ZNF644: variants seen among roughly 807,000 people sequenced by gnomAD.
The protein encoded by ZNF644 is zinc finger protein 644.
In ZNF644, 20 loss-of-function variants were observed where a neutral mutation model predicts 108.0. That is an observed-to-expected ratio of 0.19 (90% CI 0.13 to 0.27). The LOEUF is 0.27. Ranked by LOEUF, ZNF644 falls within the 10% of genes least tolerant of loss-of-function variation. The pLI is 1.00. For missense variants in ZNF644, 1,338 were observed against 1,548.9 expected, an observed-to-expected ratio of 0.86 and a Z score of 2.29; for synonymous variants, 542 against 539.1, an observed-to-expected ratio of 1.01 and a Z score of -0.08.
At chr1:91,008,385 A>C (rs1381454927) in intron 1 of ZNF644, among the ~76,000 whole-genome samples, 1 of 152,182 alleles carries the variant, frequency 6.6e-6, no homozygotes, top group Non-Finnish European at 1.5e-5. Flanking sequence ...GACTAATTCT[A>C]GGCCTTCTCC....
At chr1:90,975,854 C>T (rs974789282) in intron 2 of ZNF644, among the ~76,000 whole-genome samples, 1 of 152,122 alleles carries the variant, frequency 6.6e-6, no homozygotes. Context: ...GCCAGTCATT[C>T]ATTATTTCTG....
Position 90,915,917 on chromosome 1 carries a change from C to T in ZNF644, c.*881G>A, listed in dbSNP as rs1024257513. The T allele has an allele frequency of 6.6e-6, 1 of 152,392 alleles. No individual in the cohort carries two copies. Among genetic ancestry groups the T allele is most frequent in the South Asian group, 2.1e-4 (1 of 4,830 alleles). The allele number at this position is 152,392 out of a possible 1,614,324, so 9.4% of individuals were successfully genotyped here. ...CTACAATGTTAAATAAAGTAAGAGG[C>T]AAACCTGTCCTGTAAGCATGTCAAA... On this transcript the variant is annotated 3_prime_UTR_variant, in exon 6 of 6. Coordinates refer to ENST00000337393, the MANE Select transcript of ZNF644 (RefSeq NM_201269.3).
Position 91,000,668 on chromosome 1 carries a change from A to G in ZNF644, c.-17-18298T>C, listed in dbSNP as rs187252615. Among the ~76,000 whole-genome samples the G allele has an allele frequency of 2.3e-4, 35 of 152,346 alleles. 1 individual carries two copies. Among genetic ancestry groups the G allele is most frequent in the African/African-American group, 6.3e-4 (26 of 41,582 alleles). ...CACATTCAAAAGCTAGCAGAAAGCAAGAAATAACTAAGATCAGAGCAGAAC... is the reference window on the plus strand; with the variant it reads ...CACATTCAAAAGCTAGCAGAAAGCAGGAAATAACTAAGATCAGAGCAGAAC... On this transcript the variant is annotated intron_variant, in intron 1 of 5. Coordinates refer to ENST00000337393, the MANE Select transcript of ZNF644 (RefSeq NM_201269.3).
At position 90,939,540 on chromosome 1, in the gene ZNF644, G is replaced by C. The variant is rs752763891; in HGVS notation, c.1814C>G (p.Thr605Arg). The change falls in exon 3 of 6, where the codon ACG becomes AGG. Residue 605 changes from threonine to arginine, a missense_variant. By Grantham distance (71) the Thr-to-Arg change is moderately conservative. This residue lies in a region of ZNF644 where 462 missense variants were observed against 472.6 expected (regional missense o/e 0.98). Coordinates refer to ENST00000337393, the MANE Select transcript of ZNF644 (RefSeq NM_201269.3). ...TSAKSVLKKH[T>R]EYLHSSSCVD... is the part of the protein sequence containing the mutation. ...ACATGATGATGAATGCAAGTACTCC[G>C]TGTGCTTTTTTAAAACACTTTTGGC... The C allele has an allele frequency of 3.7e-6, 6 of 1,613,920 alleles. No homozygotes were observed. The highest frequency in any genetic ancestry group is 2.2e-5 in the East Asian group (1 of 44,870).
intron 2 of ZNF644, among the ~76,000 whole-genome samples, chr1:90,968,877 T>C (rs1655189755): frequency 6.6e-6 from 1 of 152,202 alleles, no homozygotes. Flanking sequence ...TTATCCTATT[T>C]ACTTGCCACA....
chr1:91,019,363 C>T (rs951165568), intron 1 of ZNF644, among the ~76,000 whole-genome samples: 50 of 152,314 alleles, frequency 3.3e-4, no homozygotes, highest in African/African-American at 1.2e-3. Context: ...GCAATAACAG[C>T]AGTTATTTCA....
chr1:90,999,710 G>A (rs369664256), intron 1 of ZNF644, among the ~76,000 whole-genome samples: 38 of 152,116 alleles, frequency 2.5e-4, no homozygotes, highest in Non-Finnish European at 4.7e-4. Flanking sequence ...ATGTAAATGG[G>A]CTAAATGCTC....
intron 2 of ZNF644, among the ~76,000 whole-genome samples, chr1:90,980,679 A>G (rs1475033336): frequency 6.6e-6 from 1 of 152,236 alleles, no homozygotes; most frequent in African/African-American, 2.4e-5. Flanking sequence ...AACATAGATG[A>G]AGCTCAAGAA....
chr1:91,013,812 TTAACA>T (rs1175221100), intron 1 of ZNF644, among the ~76,000 whole-genome samples: 1 of 152,190 alleles, frequency 6.6e-6, no homozygotes, highest in Non-Finnish European at 1.5e-5. Flanking sequence ...TTTTGAAGAC[TTAACA>T]TGGTTAAAAA....
Position 90,940,461 on chromosome 1 carries a change from C to T in ZNF644, c.893G>A (p.Ser298Asn). 1 of 1,613,530 alleles carries T rather than the reference C, an allele frequency of 6.2e-7. No homozygotes were observed. The highest frequency in any genetic ancestry group is 1.3e-5 in the African/African-American group (1 of 74,926). ...EKKRKRKMDV[S>N]KITRYTEDCF... ...ATCCTCGGTATAACGAGTTATCTTG[C>T]TTACATCCATTTTTCGCTTTCTTTT... The change falls in exon 3 of 6, where the codon AGC becomes AAC. Residue 298 changes from serine to asparagine, a missense_variant. By Grantham distance (46) the Ser-to-Asn change is conservative (BLOSUM62 1). Coordinates refer to ENST00000337393, the MANE Select transcript of ZNF644 (RefSeq NM_201269.3).
At chr1:90,970,505 A>G (rs74099885) in intron 2 of ZNF644, among the ~76,000 whole-genome samples, 1,925 of 152,316 alleles carry the variant, frequency 0.013, 40 homozygotes, top group African/African-American at 0.044. Flanking sequence ...AACAATCTAG[A>G]GAATTTTTAA....
rs552554214 is a variant in ZNF644 at position 90,989,678 on chromosome 1, C to T, written c.-17-7308G>A. On this transcript the variant is annotated intron_variant, in intron 1 of 5. Coordinates refer to ENST00000337393, the MANE Select transcript of ZNF644 (RefSeq NM_201269.3). ...AAACCCAGGAAATAACAAGTGTTGG[C>T]GAGAATGTGGAGAAACTGGAACCCT... Among the ~76,000 whole-genome samples the T allele has an allele frequency of 1.4e-3, 211 of 152,226 alleles. 1 individual carries two copies. Among genetic ancestry groups the T allele is most frequent in the Admixed American group, 2.4e-3 (36 of 15,288 alleles).
At chr1:91,001,116 G>A (rs1475546729) in intron 1 of ZNF644, among the ~76,000 whole-genome samples, 3 of 152,196 alleles carry the variant, frequency 2.0e-5, no homozygotes, top group East Asian at 1.9e-4. Flanking sequence ...ACAAGGAGGA[G>A]CTGGTACCAT....
intron 2 of ZNF644, among the ~76,000 whole-genome samples, chr1:90,952,589 A>C (rs1284622914): frequency 6.6e-6 from 1 of 152,192 alleles, no homozygotes; most frequent in Non-Finnish European, 1.5e-5. Flanking sequence ...CTATGTAACA[A>C]AGCAGAAAGT....
intron 1 of ZNF644, among the ~76,000 whole-genome samples, chr1:90,992,349 C>A (rs1235382200): frequency 6.6e-6 from 1 of 150,930 alleles, no homozygotes; most frequent in Non-Finnish European, 1.5e-5. Context: ...AAAGTCAAAT[C>A]TCGAAGTTAG....
In ZNF644 at chr1:90,938,622, T is replaced by A; in HGVS notation, c.2732A>T (p.Asp911Val). 6.2e-7 allele frequency: 1 copy of A among 1,611,740 alleles called. No homozygotes were observed. The highest frequency in any genetic ancestry group is 1.7e-4 in the Middle Eastern group (1 of 6,052). ...EPGENATLSY[D>V]QNDGFYFEYY... The stretch of plus-strand genomic sequence containing the variant: ...TTCAAAATAAAAGCCATCGTTTTGG[T>A]CATAACTAAGAGTAGCATTTTCTCC... Residue 911 changes from aspartate to valine, a missense_variant, in exon 3 of 6, where the codon GAC becomes GTC. By Grantham distance (152) the Asp-to-Val change is radical. Coordinates refer to ENST00000337393, the MANE Select transcript of ZNF644 (RefSeq NM_201269.3). The surrounding 1 kb of genome is among the most constrained non-coding windows in gnomAD (Gnocchi z 4.2).
chr1:91,019,923 T>A (rs906928401), intron 1 of ZNF644, among the ~76,000 whole-genome samples: 16 of 152,226 alleles, frequency 1.1e-4, no homozygotes, highest in Non-Finnish European at 2.4e-4. Flanking sequence ...CAATATTTAA[T>A]TAACAAGTAT....
intron 1 of ZNF644, among the ~76,000 whole-genome samples, chr1:91,010,587 C>T (rs1453065074): frequency 6.6e-6 from 1 of 151,930 alleles, no homozygotes; most frequent in Non-Finnish European, 1.5e-5. Context: ...CTATACACAC[C>T]ACTTCTTCAA....
chr1:90,925,260 CACCCATT>C (rs1649896385), intron 4 of ZNF644, among the ~76,000 whole-genome samples: 1 of 152,206 alleles, frequency 6.6e-6, no homozygotes, highest in Admixed American at 6.5e-5. Context: ...CCTGATGCCT[CACCCATT>C]ATTTTTATGT....
Sources: gnomAD v4.1 joint callset for allele counts (sites outside exome capture counted in the v4.1 genomes callset) on GRCh38, gnomAD v4.1.1 for gene constraint, gnomAD v4.1.1 regional missense constraint, Gnocchi (gnomAD v3.1) non-coding constraint, MANE v1.5 for transcripts, NCBI Gene and HGNC (gene_info 2026-07-23, HGNC 2026-07-21) for gene names.